The following ARFIP1 variants were observed in gnomAD, a reference collection of about 807,000 sequenced individuals.
ARFIP1 encodes ARF interacting protein 1.
A neutral mutation model predicts 42.5 loss-of-function variants in ARFIP1; 24 were observed. The ratio of observed to expected loss-of-function variants is 0.57; its 90% confidence interval spans 0.41 to 0.80. The LOEUF (loss-of-function observed/expected upper bound fraction) is 0.80. ARFIP1 is among the 30% of genes least tolerant of loss of function. ARFIP1 has a pLI of 0.00. For synonymous variants in ARFIP1, 141 were observed against 153.7 expected (o/e 0.92, Z 0.61); for missense variants, 354 against 434.0 (o/e 0.82, Z 1.64).
At chr4:152,806,526 A>G (rs1219596806) in intron 1 of ARFIP1, among the ~76,000 whole-genome samples, 2 of 152,212 alleles carry the variant, frequency 1.3e-5, no homozygotes, top group East Asian at 1.9e-4. Flanking sequence ...TCAACAGTTT[A>G]TTGAGGTAAA....
chr4:152,869,230 T>C (rs1190183726), intron 3 of ARFIP1, among the ~76,000 whole-genome samples: 1 of 152,208 alleles, frequency 6.6e-6, no homozygotes, highest in Non-Finnish European at 1.5e-5. Context: ...CATGTCTTTC[T>C]TATTAGGAAA....
At chr4:152,792,009 A>G (rs1430319242) in intron 1 of ARFIP1, among the ~76,000 whole-genome samples, 1 of 152,196 alleles carries the variant, frequency 6.6e-6, no homozygotes, top group Non-Finnish European at 1.5e-5. Flanking sequence ...ATGAGAAAAG[A>G]TGGGCATATT....
At chr4:152,859,864 T>G (rs561387916) in intron 2 of ARFIP1, among the ~76,000 whole-genome samples, 1 of 150,698 alleles carries the variant, frequency 6.6e-6, no homozygotes, top group East Asian at 1.9e-4. Flanking sequence ...TCACTGGATA[T>G]CAGAAGTTAA....
At position 152,880,851 on chromosome 4, in the gene ARFIP1, AG is replaced by A. The variant is rs1416739974; in HGVS notation, c.412-111del. The A allele has an allele frequency of 5.2e-6, 4 of 771,022 alleles. No homozygotes were observed. The Admixed American group carries it at 1.0e-4, about 19-fold the overall frequency. The allele number at this position is 771,022 out of a possible 1,614,324, so 47.8% of individuals were successfully genotyped here. A position where few individuals can be genotyped will look rare whatever the true frequency, so the allele number is the denominator to read the frequency against. On this transcript the variant is annotated intron_variant, in intron 5 of 8. Transcript: ENST00000353617. ...TCAAGTAAGGGAGCTGACAATTTTC[AG>A]TTTGTTACGCTAGCTTGTTTGAATC...
intron 1 of ARFIP1, among the ~76,000 whole-genome samples, chr4:152,804,576 A>T (rs1728862009): frequency 6.9e-6 from 1 of 144,562 alleles, no homozygotes; most frequent in Non-Finnish European, 1.5e-5. Context: ...TAATATAAAG[A>T]TTAAAAACTT....
At chr4:152,794,451 C>G (rs1243570332) in intron 1 of ARFIP1, among the ~76,000 whole-genome samples, 2 of 152,104 alleles carry the variant, frequency 1.3e-5, no homozygotes, top group Non-Finnish European at 2.9e-5. Flanking sequence ...GATGTTGTGT[C>G]TTTCTTAGTG....
intron 7 of ARFIP1, among the ~76,000 whole-genome samples, chr4:152,887,243 A>G (rs1209106671): frequency 1.3e-5 from 2 of 151,926 alleles, no homozygotes; most frequent in Admixed American, 1.3e-4. Context: ...GAGTTATGGG[A>G]TCTTGGAGTG....
In ARFIP1 at chr4:152,810,806, ACT is replaced by A. The variant is rs200632714; in HGVS notation, c.-9-18816_-9-18815del. On this transcript the variant is annotated intron_variant, in intron 1 of 8. Transcript: ENST00000353617. ...ACTCCAGCCTGGGCTACAGAGCGAG[ACT>A]CTGTCTAAAAAAAAAGATGGTGTGC... 4.3e-3 allele frequency among the ~76,000 whole-genome samples: 652 copies of A among 151,798 alleles called. 4 individuals are homozygous for A. Among genetic ancestry groups the A allele is most frequent in the African/African-American group, 0.015 (610 of 41,362 alleles).
In ARFIP1 at chr4:152,835,191, A is replaced by G. The variant is rs575071324; in HGVS notation, c.93+5465A>G. On this transcript the variant is annotated intron_variant, in intron 2 of 8. Transcript: ENST00000353617. Reference sequence around the variant, plus strand: ...AGTCTGCTCGGATTCTTTCTCTACCACAGGGCCAGCCTGCAAATTTTCCAA... The same window carrying G: ...AGTCTGCTCGGATTCTTTCTCTACCGCAGGGCCAGCCTGCAAATTTTCCAA... Among the ~76,000 whole-genome samples, 8 of 152,196 alleles carry G rather than the reference A, an allele frequency of 5.3e-5. No homozygotes were observed. The South Asian group carries it at 6.2e-4, about 12-fold the overall frequency.
intron 8 of ARFIP1, among the ~76,000 whole-genome samples, chr4:152,888,769 C>A (rs1736480120): frequency 6.6e-6 from 1 of 152,062 alleles, no homozygotes; most frequent in African/African-American, 2.4e-5. Flanking sequence ...GCCAAGAGAT[C>A]CATTTTCCAC....
chr4:152,910,008 CTATTT>C (rs1738706187), intron 8 of ARFIP1, 51 bp from the exon 9 acceptor site: 6 of 1,559,968 alleles, frequency 3.8e-6, no homozygotes, highest in Non-Finnish European at 5.2e-6. Context: ...AAATCACTCT[CTATTT>C]TATTGTTATT....
intron 5 of ARFIP1, among the ~76,000 whole-genome samples, chr4:152,875,712 T>G (rs771904656): frequency 2.4e-4 from 36 of 151,158 alleles, no homozygotes; most frequent in Non-Finnish European, 4.0e-4. Flanking sequence ...AATATCTTTA[T>G]TCTTTTTTTT....
At chr4:152,898,008 G>T (rs1306578782) in intron 8 of ARFIP1, among the ~76,000 whole-genome samples, 1 of 126,028 alleles carries the variant, frequency 7.9e-6, no homozygotes, top group Non-Finnish European at 1.6e-5. Context: ...TTTTTGAGAC[G>T]AGTCTCGCTC....
chr4:152,904,198 A>ATATATATTTT (rs36085096), intron 8 of ARFIP1, among the ~76,000 whole-genome samples: 52 of 126,684 alleles, frequency 4.1e-4, no homozygotes, highest in African/African-American at 1.6e-3. Flanking sequence ...ATATATATAT[A>ATATATATTTT]TTTTTTTTTT....
Position 152,871,879 on chromosome 4 carries a change from G to T in ARFIP1, c.299-573G>T, listed in dbSNP as rs981811599. ...TTTGTGGTCTCTTGAGAAAAAAGAG[G>T]TACAATATAGATCTTGTTTCAACCC... On this transcript the variant is annotated intron_variant, in intron 4 of 8. Coordinates refer to ENST00000353617, the MANE Select transcript of ARFIP1 (RefSeq NM_001025595.3). 2.0e-5 allele frequency among the ~76,000 whole-genome samples: 3 copies of T among 151,902 alleles called. No individual in the cohort carries two copies. The East Asian group carries it at 5.8e-4, about 29-fold the overall frequency.
At chr4:152,894,687 G>A (rs1176404622) in intron 8 of ARFIP1, among the ~76,000 whole-genome samples, 2 of 152,048 alleles carry the variant, frequency 1.3e-5, no homozygotes, top group African/African-American at 2.4e-5. Context: ...TCATAGTGCT[G>A]GACACAAAAG....
chr4:152,870,696 T>G, intron 3 of ARFIP1, 57 bp from the exon 4 acceptor site: 1 of 1,178,216 alleles, frequency 8.5e-7, no homozygotes. Context: ...ATATTCAAAA[T>G]GTACAGTATG....
rs559586513 is a variant in ARFIP1, at chr4:152,816,897, C to T, written c.-9-12728C>T. On this transcript the variant is annotated intron_variant, in intron 1 of 8. Coordinates refer to ENST00000353617, the MANE Select transcript of ARFIP1 (RefSeq NM_001025595.3). ...ATCTTTCCTTTACTATATTCGTAAT[C>T]TGTTATCGTACAAGATTTAGCTTAA... Among the ~76,000 whole-genome samples the T allele has an allele frequency of 2.0e-5, 3 of 152,338 alleles. No individual in the cohort carries two copies. The South Asian group carries it at 6.2e-4, about 32-fold the overall frequency.
chr4:152,787,136 C>G (rs551950424), intron 1 of ARFIP1, among the ~76,000 whole-genome samples: 1 of 152,184 alleles, frequency 6.6e-6, no homozygotes, highest in African/African-American at 2.4e-5. Context: ...TAGAACCTAG[C>G]TCAGTACCTG....
Sources: gnomAD v4.1 joint callset for allele counts (sites outside exome capture counted in the v4.1 genomes callset) on GRCh38, gnomAD v4.1.1 for gene constraint, MANE v1.5 for transcripts, NCBI Gene and HGNC (gene_info 2026-07-23, HGNC 2026-07-21) for gene names.